SAMD12: variants seen among roughly 807,000 people sequenced by gnomAD.
SAMD12 encodes the protein sterile alpha motif domain containing 12, also known as sterile alpha motif domain-containing protein 12.
SAMD12 carries 9 observed loss-of-function variants against 15.0 expected under a neutral mutation model. The ratio of observed to expected loss-of-function variants is 0.60; its 90% CI spans 0.36 to 1.05. The LOEUF is 1.05. Among genes scored for constraint, SAMD12 ranks in the 50% least tolerant of loss-of-function variants. SAMD12 has a pLI of 0.01. For missense variants in SAMD12, 230 were observed against 234.2 expected, an observed-to-expected ratio of 0.98 and a Z score of 0.12; for synonymous variants, 86 against 90.1, an observed-to-expected ratio of 0.96 and a Z score of 0.25.
chr8:118,375,290 T>C (rs531511439), downstream of SAMD12, among the ~76,000 whole-genome samples: 4 of 152,306 alleles, frequency 2.6e-5, no homozygotes, highest in South Asian at 2.1e-4. Flanking sequence ...ACCTGTGCTA[T>C]GCTTTTTACT....
intron 4 of SAMD12, among the ~76,000 whole-genome samples, chr8:118,200,675 G>A (rs748920700): frequency 6.6e-6 from 1 of 152,144 alleles, no homozygotes; most frequent in Non-Finnish European, 1.5e-5. Flanking sequence ...GCTCTTTGCT[G>A]TTTTTGCAGT....
intron 4 of SAMD12, among the ~76,000 whole-genome samples, chr8:118,256,111 G>A (rs535794671): frequency 4.1e-4 from 62 of 152,194 alleles, no homozygotes; most frequent in African/African-American, 1.3e-3. Context: ...GCCAGTGATG[G>A]TGAGCATTTT....
At chr8:118,583,182 A>G (rs761127946) in intron 1 of SAMD12, among the ~76,000 whole-genome samples, 2 of 152,090 alleles carry the variant, frequency 1.3e-5, no homozygotes, top group Non-Finnish European at 2.9e-5. Context: ...TCCCCAAACC[A>G]CACTGCTGCT....
At chr8:118,486,179 C>G (rs887235355) in intron 2 of SAMD12, among the ~76,000 whole-genome samples, 2 of 152,046 alleles carry the variant, frequency 1.3e-5, no homozygotes, top group Non-Finnish European at 2.9e-5. Flanking sequence ...CTTTGGGAGG[C>G]CAAGGCGGGC....
intron 2 of SAMD12, among the ~76,000 whole-genome samples, chr8:118,569,827 C>A (rs1826957357): frequency 6.6e-6 from 1 of 152,188 alleles, no homozygotes; most frequent in Non-Finnish European, 1.5e-5. Flanking sequence ...GCTACCAAGT[C>A]TCCAGTAATT....
intron 3 of SAMD12, among the ~76,000 whole-genome samples, chr8:118,433,567 TAGTA>T (rs1822486083): frequency 6.6e-6 from 1 of 152,166 alleles, no homozygotes. Flanking sequence ...ATATTAAAGT[TAGTA>T]AGTTTATAAT....
At chr8:118,280,732 A>C (rs1813605128) in intron 4 of SAMD12, among the ~76,000 whole-genome samples, 1 of 152,110 alleles carries the variant, frequency 6.6e-6, no homozygotes, top group Admixed American at 6.6e-5. Context: ...GATGGTAATG[A>C]TTTTCTCATT....
chr8:118,413,077 T>C (rs372954050), intron 3 of SAMD12, among the ~76,000 whole-genome samples: 13 of 152,186 alleles, frequency 8.5e-5, no homozygotes, highest in African/African-American at 2.7e-4. Flanking sequence ...AGGACCCCAA[T>C]TGTTCCCAAC....
intron 1 of SAMD12, among the ~76,000 whole-genome samples, chr8:118,614,625 C>T (rs147543041): frequency 1.3e-5 from 2 of 152,220 alleles, no homozygotes; most frequent in East Asian, 1.9e-4. Context: ...CAGGATTTGC[C>T]GAATAGAACA....
chr8:118,299,975 G>A (rs780860702), intron 4 of SAMD12, among the ~76,000 whole-genome samples: 1 of 152,088 alleles, frequency 6.6e-6, no homozygotes, highest in African/African-American at 2.4e-5. Flanking sequence ...GTCTGTCAAT[G>A]CTGCCCCTAA....
chr8:118,605,606 T>C (rs981465181), intron 1 of SAMD12, among the ~76,000 whole-genome samples: 1 of 151,934 alleles, frequency 6.6e-6, no homozygotes, highest in Non-Finnish European at 1.5e-5. Flanking sequence ...TAGGCCTCAA[T>C]TTTTTTCATC....
chr8:118,515,699 C>G (rs567878348), intron 2 of SAMD12, among the ~76,000 whole-genome samples: 2 of 152,268 alleles, frequency 1.3e-5, no homozygotes, highest in East Asian at 3.9e-4. Context: ...ATTCCTTTTT[C>G]AATCCCAACC....
At chr8:118,516,541 C>T (rs1376061526) in intron 2 of SAMD12, among the ~76,000 whole-genome samples, 1 of 152,170 alleles carries the variant, frequency 6.6e-6, no homozygotes, top group Non-Finnish European at 1.5e-5. Context: ...CTTTCTTAGA[C>T]TGTAAATGTT....
At chr8:118,563,134 G>C (rs1358181842) in intron 2 of SAMD12, among the ~76,000 whole-genome samples, 1 of 152,164 alleles carries the variant, frequency 6.6e-6, no homozygotes, top group African/African-American at 2.4e-5. Flanking sequence ...ATATAACTGA[G>C]AGAGTCAGTC....
intron 1 of SAMD12, among the ~76,000 whole-genome samples, chr8:118,606,802 T>C (rs1827997719): frequency 6.6e-6 from 1 of 152,166 alleles, no homozygotes; most frequent in East Asian, 1.9e-4. Context: ...AGGCAGGAGA[T>C]AGGAGAAGGA....
At chr8:118,207,643 C>G (rs1231953353) in intron 4 of SAMD12, among the ~76,000 whole-genome samples, 2 of 152,188 alleles carry the variant, frequency 1.3e-5, no homozygotes, top group African/African-American at 4.8e-5. Context: ...TCACAGAGCA[C>G]AGAGCCTTGT....
intron 4 of SAMD12, among the ~76,000 whole-genome samples, chr8:118,268,378 C>T (rs978050520): frequency 2.0e-5 from 3 of 152,184 alleles, no homozygotes; most frequent in African/African-American, 7.2e-5. Flanking sequence ...AGTAAACTAT[C>T]ATCATAATTC....
intron 3 of SAMD12, among the ~76,000 whole-genome samples, chr8:118,431,687 CGTGT>C (rs56898456): frequency 0.051 from 7,548 of 147,346 alleles, 535 homozygotes; most frequent in African/African-American, 0.16. Context: ...TTACCTTTGT[CGTGT>C]GTGTGTGTGT....
At chr8:118,436,602 A>T (rs1205639576) in intron 3 of SAMD12, among the ~76,000 whole-genome samples, 1 of 152,184 alleles carries the variant, frequency 6.6e-6, no homozygotes, top group African/African-American at 2.4e-5. Context: ...TAAGAAAAAT[A>T]AAAGAACAGC....
Sources: allele counts gnomAD v4.1 joint callset (sites outside exome capture counted in the v4.1 genomes callset), GRCh38; gene constraint gnomAD v4.1.1; transcripts MANE v1.5; gene names NCBI Gene and HGNC (gene_info 2026-07-23, HGNC 2026-07-21).